Variants in GLIS3 observed in about 807,000 individuals in gnomAD.
GLIS3 encodes the protein GLIS family zinc finger 3, also known as zinc finger protein GLIS3.
A neutral mutation model predicts 78.6 loss-of-function variants in GLIS3; 53 were observed. That is an observed-to-expected ratio of 0.67 (90% confidence interval 0.54 to 0.85). The LOEUF (loss-of-function observed/expected upper bound fraction) is 0.85. Among genes scored for constraint, GLIS3 ranks in the 40% least tolerant of loss-of-function variants. GLIS3 has a pLI of 0.00. For synonymous variants in GLIS3, 684 were observed against 509.9 expected, an observed-to-expected ratio of 1.34 and a Z score of -4.60; for missense variants, 1,703 against 1,231.1, an observed-to-expected ratio of 1.38 and a Z score of -5.74.
intron 4 of GLIS3, among the ~76,000 whole-genome samples, chr9:4,007,256 T>C (rs762299871): frequency 1.3e-5 from 2 of 152,082 alleles, no homozygotes; most frequent in African/African-American, 4.8e-5. Context: ...TTAGGAAAAG[T>C]AGCAAAAAGC....
intron 4 of GLIS3, among the ~76,000 whole-genome samples, chr9:4,100,517 CG>C (rs1367629141): frequency 1.3e-5 from 2 of 152,088 alleles, no homozygotes; most frequent in African/African-American, 4.8e-5. Context: ...TAAGTAAAAA[CG>C]TACATTTTCT....
chr9:4,309,176 G>A (rs993544040), intron 3 of GLIS3, among the ~76,000 whole-genome samples: 4 of 152,082 alleles, frequency 2.6e-5, no homozygotes, highest in Admixed American at 6.6e-5. Context: ...GTATATGCCC[G>A]TGCCTCGTTT....
Position 4,285,934 on chromosome 9 carries a change from G to T in GLIS3, c.388+104C>A. 7.3e-7 allele frequency: 1 copy of T among 1,361,820 alleles called. No homozygotes were observed. Among genetic ancestry groups the T allele is most frequent in the Non-Finnish European group, 1.0e-6 (1 of 955,962 alleles). The allele number at this position is 1,361,820 out of a possible 1,614,324, so 84.4% of individuals were successfully genotyped here. A position where few individuals can be genotyped will look rare whatever the true frequency, so the allele number is the denominator to read the frequency against. On this transcript the variant is annotated intron_variant, in intron 2 of 10. Coordinates refer to ENST00000381971, the MANE Select transcript of GLIS3 (RefSeq NM_001042413.2). The stretch of plus-strand genomic sequence containing the variant: ...TTATGAGACCATCATCTTTGACCCT[G>T]ACACTGAATCATGTATTTTTCCATA...
intron 4 of GLIS3, among the ~76,000 whole-genome samples, chr9:4,100,761 A>T (rs1160073820): frequency 6.6e-6 from 1 of 152,178 alleles, no homozygotes; most frequent in Non-Finnish European, 1.5e-5. Context: ...AATTCTTGTA[A>T]GTCTCCTGAG....
the GLIS3 span, among the ~76,000 whole-genome samples, chr9:4,354,183 T>C: frequency 1.3e-5 from 2 of 151,692 alleles, no homozygotes; most frequent in African/African-American, 4.8e-5. Context: ...TAAAAAAGAG[T>C]GTTATGCTAA....
At chr9:3,909,589 T>G (rs756850802) in intron 6 of GLIS3, among the ~76,000 whole-genome samples, 55 of 152,316 alleles carry the variant, frequency 3.6e-4, no homozygotes, top group South Asian at 6.2e-4. Flanking sequence ...ATTGTATCCA[T>G]AGCTGATTAA....
chr9:4,352,563 A>T (rs1269827658), upstream of GLIS3, among the ~76,000 whole-genome samples: 1 of 152,254 alleles, frequency 6.6e-6, no homozygotes, highest in Non-Finnish European at 1.5e-5. Context: ...ATGGCCGTTT[A>T]AGTGAACTCT....
At chr9:3,989,371 C>T (rs1045849139) in intron 4 of GLIS3, among the ~76,000 whole-genome samples, 3 of 152,256 alleles carry the variant, frequency 2.0e-5, no homozygotes, top group African/African-American at 7.2e-5. Flanking sequence ...TACCATATGA[C>T]CCAGTAATTG....
chr9:3,918,905 G>A (rs1365450226), intron 6 of GLIS3, among the ~76,000 whole-genome samples: 1 of 152,154 alleles, frequency 6.6e-6, no homozygotes, highest in Non-Finnish European at 1.5e-5. Context: ...CCAACCTTTT[G>A]GAATTAGGAT....
chr9:4,071,894 A>T (rs923489741), intron 4 of GLIS3: 47 of 152,364 alleles, frequency 3.1e-4, no homozygotes, highest in Middle Eastern at 3.4e-3. Flanking sequence ...TATCCATAAC[A>T]ATGCAAAAGA....
intron 2 of GLIS3, among the ~76,000 whole-genome samples, chr9:4,160,268 T>A (rs4741895): frequency 0.5 from 76,291 of 152,058 alleles, 20,582 homozygotes; most frequent in East Asian, 0.83. Flanking sequence ...CCTCCAGTGG[T>A]GCTAAGGAAC....
At chr9:4,273,942 G>A (rs1188943327) in intron 2 of GLIS3, among the ~76,000 whole-genome samples, 1 of 152,096 alleles carries the variant, frequency 6.6e-6, no homozygotes, top group Non-Finnish European at 1.5e-5. Context: ...GCCATAATGT[G>A]CAGCTTTGTT....
the GLIS3 span, among the ~76,000 whole-genome samples, chr9:4,426,967 G>A: frequency 2.0e-5 from 3 of 152,198 alleles, no homozygotes; most frequent in Non-Finnish European, 4.4e-5. Context: ...ACTGTAGAGT[G>A]GATGAGGACA....
chr9:3,907,856 T>A (rs1055014928), intron 6 of GLIS3, among the ~76,000 whole-genome samples: 3 of 152,152 alleles, frequency 2.0e-5, no homozygotes, highest in African/African-American at 7.2e-5. Context: ...TGGCTCACAG[T>A]GGGCTTGTGG....
At chr9:4,210,898 C>A (rs12346074) in intron 2 of GLIS3, among the ~76,000 whole-genome samples, 23 of 152,048 alleles carry the variant, frequency 1.5e-4, no homozygotes, top group Admixed American at 1.2e-3. Flanking sequence ...CCACACACCC[C>A]TACCCTCCCT....
intron 4 of GLIS3, among the ~76,000 whole-genome samples, chr9:4,110,043 T>C (rs1050153725): frequency 3.3e-5 from 5 of 152,194 alleles, no homozygotes; most frequent in Non-Finnish European, 7.3e-5. Flanking sequence ...GTCACCCCAA[T>C]AGATTGTGAG....
chr9:4,403,433 G>A, the GLIS3 span, among the ~76,000 whole-genome samples: 2 of 152,020 alleles, frequency 1.3e-5, no homozygotes, highest in African/African-American at 4.8e-5. Flanking sequence ...CTGTAATGGT[G>A]GTGTGTAAAC....
the GLIS3 span, among the ~76,000 whole-genome samples, chr9:4,378,044 G>T: frequency 6.6e-6 from 1 of 152,070 alleles, no homozygotes; most frequent in South Asian, 2.1e-4. Context: ...TGGTAAATGG[G>T]TATACCACAG....
chr9:4,241,364 G>T (rs972838082), intron 2 of GLIS3, among the ~76,000 whole-genome samples: 1 of 152,158 alleles, frequency 6.6e-6, no homozygotes, highest in Non-Finnish European at 1.5e-5. Context: ...TATACAGTTA[G>T]ATAGAAGAAA....
Sources: gnomAD v4.1 joint callset for allele counts (sites outside exome capture counted in the v4.1 genomes callset) on GRCh38, gnomAD v4.1.1 for gene constraint, MANE v1.5 for transcripts, NCBI Gene and HGNC (gene_info 2026-07-23, HGNC 2026-07-21) for gene names.